SLC6A13: variants seen among roughly 807,000 people sequenced by gnomAD.
The protein encoded by SLC6A13 is sodium- and chloride-dependent GABA transporter 2.
In SLC6A13, 69 loss-of-function variants were observed where a neutral mutation model predicts 72.9. The observed-to-expected ratio is 0.95, with a 90% CI of 0.78 to 1.16. The LOEUF is 1.16. SLC6A13 is among the 50% of genes most tolerant of loss of function. The probability of loss-of-function intolerance (pLI) is 0.00; values close to 1 mark genes in which losing one functional copy is unlikely to be tolerated. For missense variants in SLC6A13, 735 were observed against 760.5 expected, an observed-to-expected ratio of 0.97 and a Z score of 0.39; for synonymous variants, 303 against 303.0, an observed-to-expected ratio of 1.00 and a Z score of 0.00.
At chr12:222,972 C>A in intron 12 of SLC6A13, 160 bp downstream of exon 12, 1 of 601,768 alleles carries the variant, frequency 1.7e-6, no homozygotes, top group Non-Finnish European at 3.0e-6. Context: ...GGAGGGCCTT[C>A]CAAAGGTAGC....
chr12:230,284 G>A (rs1160425866), intron 7 of SLC6A13, among the ~76,000 whole-genome samples: 3 of 152,232 alleles, frequency 2.0e-5, no homozygotes, highest in African/African-American at 7.2e-5. Context: ...AGGAGGAGGA[G>A]AGGGGACTCT....
At chr12:225,484 T>C (rs939457698) in intron 9 of SLC6A13, among the ~76,000 whole-genome samples, 1 of 152,134 alleles carries the variant, frequency 6.6e-6, no homozygotes, top group Non-Finnish European at 1.5e-5. Flanking sequence ...ACCCTGTCTC[T>C]ACTAAAAATA....
chr12:249,960 CAT>C (rs1942479214), intron 2 of SLC6A13, among the ~76,000 whole-genome samples: 1 of 152,030 alleles, frequency 6.6e-6, no homozygotes, highest in Admixed American at 6.5e-5. Context: ...AAAAAATCAA[CAT>C]AGTGTTGTAG....
chr12:221,323 C>T lies in SLC6A13; in HGVS notation c.1686+53G>A, dbSNP rs1285576055. 4 of 1,512,386 alleles carry T rather than the reference C, an allele frequency of 2.6e-6. No homozygotes were observed. The African/African-American group carries it at 4.2e-5, about 16-fold the overall frequency. The allele number at this position is 1,512,386 out of a possible 1,614,324, so 93.7% of individuals were successfully genotyped here. A position where few individuals can be genotyped will look rare whatever the true frequency, so the allele number is the denominator to read the frequency against. On this transcript the variant is annotated intron_variant, in intron 14 of 14. Transcript: ENST00000343164. ...CTGGCTGGCAGCCCACCTGTCGGCA[C>T]CTGCGAAGCCTCCCAGCCCCTCTGG... is the stretch of plus-strand genomic sequence containing the variant.
At chr12:228,511 G>A (rs898101989) in intron 7 of SLC6A13, among the ~76,000 whole-genome samples, 7 of 152,078 alleles carry the variant, frequency 4.6e-5, no homozygotes, top group African/African-American at 1.7e-4. Flanking sequence ...AAGGGCGCCG[G>A]ATGACCCGTC....
chr12:246,950 G>A (rs1942371090), intron 2 of SLC6A13, among the ~76,000 whole-genome samples: 1 of 150,006 alleles, frequency 6.7e-6, no homozygotes, highest in Non-Finnish European at 1.5e-5. Context: ...GGAGGTTGCA[G>A]TGAGCTGAGA....
chr12:222,919 T>C (rs1941275498), intron 12 of SLC6A13, among the ~76,000 whole-genome samples: 1 of 152,148 alleles, frequency 6.6e-6, no homozygotes, highest in African/African-American at 2.4e-5. Flanking sequence ...CCTGAGGTGG[T>C]CTAGGTACAG....
At chr12:246,589 C>T (rs1184497072) in intron 2 of SLC6A13, among the ~76,000 whole-genome samples, 1 of 152,134 alleles carries the variant, frequency 6.6e-6, no homozygotes, top group Non-Finnish European at 1.5e-5. Flanking sequence ...TGAACATGAA[C>T]ACTACAGTGT....
At chr12:250,833 C>CAAAAAAAAAAAAA (rs71045051) in intron 2 of SLC6A13, among the ~76,000 whole-genome samples, 7 of 82,598 alleles carry the variant, frequency 8.5e-5, no homozygotes, top group Non-Finnish European at 1.1e-4. Context: ...AATAGCCCCC[C>CAAAAAAAAAAAAA]AAAAAAAAAA....
chr12:241,957 C>A (rs492750), intron 4 of SLC6A13, among the ~76,000 whole-genome samples: 32,536 of 152,102 alleles, frequency 0.21, 3,630 homozygotes, highest in Middle Eastern at 0.3. Context: ...TGTTTAGATA[C>A]ACAAATACTT....
In SLC6A13 at chr12:227,613, C is replaced by A. The variant is rs145346123; in HGVS notation, c.887G>T (p.Cys296Phe). 16 of 1,613,812 alleles carry A rather than the reference C, an allele frequency of 9.9e-6. No homozygotes were observed. Among genetic ancestry groups the A allele is most frequent in the Admixed American group, 3.3e-5 (2 of 60,002 alleles). The change falls in exon 8 of 15, where the codon TGC becomes TTC. Residue 296 changes from cysteine (C) to phenylalanine (F), a missense_variant. Physicochemically the swap from Cys to Phe is radical, Grantham distance 205 (BLOSUM62 -2). Coordinates refer to ENST00000343164, the MANE Select transcript of SLC6A13 (RefSeq NM_016615.5). Reference protein sequence around the residue: ...IFFSFAICLGCLTALGSYNKY... With the variant: ...IFFSFAICLGFLTALGSYNKY... ...GTTGTAGCTGCCCAGGGCTGTCAGG[C>A]ACCCAAGACAGATGGCGAAGGAGAA...
chr12:223,960 C>T lies in SLC6A13; in HGVS notation c.1311+32G>A, dbSNP rs754289615. ...TAGCAGCTGTCACTTGGCTCCTCCT[C>T]CCCAGCCTTCCCCCGCTTCCCAGGC... On this transcript the variant is annotated intron_variant, in intron 11 of 14. Transcript: ENST00000343164. The T allele has an allele frequency of 8.1e-6, 13 of 1,611,736 alleles. No individual in the cohort carries two copies. In the East Asian group the frequency reaches 2.9e-4, roughly 36 times the overall value.
chr12:225,615 A>T (rs1208442071), intron 9 of SLC6A13, among the ~76,000 whole-genome samples: 1 of 150,684 alleles, frequency 6.6e-6, no homozygotes, highest in Admixed American at 6.7e-5. Flanking sequence ...ATGTCACTGC[A>T]CTCCAGCCTG....
At chr12:246,318 A>AAAAT (rs950722077) in intron 2 of SLC6A13, among the ~76,000 whole-genome samples, 31 of 151,930 alleles carry the variant, frequency 2.0e-4, no homozygotes, top group South Asian at 1.0e-3. Flanking sequence ...CTCTGTCTCA[A>AAAAT]AAATAAATAA....
intron 1 of SLC6A13, among the ~76,000 whole-genome samples, chr12:261,942 A>T (rs1434030102): frequency 6.6e-6 from 1 of 152,140 alleles, no homozygotes; most frequent in Non-Finnish European, 1.5e-5. Flanking sequence ...AAGAAAAAAA[A>T]AAAAAGTCAG....
chr12:262,685 G>A, intron 1 of SLC6A13, 104 bp downstream of exon 1: 1 of 985,198 alleles, frequency 1.0e-6, no homozygotes, highest in East Asian at 1.1e-4. Context: ...TACTTTCTAG[G>A]CGAGGGTAAG....
intron 4 of SLC6A13, among the ~76,000 whole-genome samples, chr12:239,031 T>C (rs1311312490): frequency 6.7e-6 from 1 of 150,130 alleles, no homozygotes; most frequent in African/African-American, 2.4e-5. Context: ...CAAGGCCATA[T>C]TGGATGCATT....
At chr12:238,704 C>T (rs540594845) in intron 4 of SLC6A13, among the ~76,000 whole-genome samples, 9 of 152,132 alleles carry the variant, frequency 5.9e-5, no homozygotes, top group South Asian at 2.1e-4. Context: ...CCCATGAAGA[C>T]GGTGGATCTT....
intron 4 of SLC6A13, among the ~76,000 whole-genome samples, chr12:241,366 G>A (rs182552445): frequency 6.6e-6 from 1 of 152,280 alleles, no homozygotes; most frequent in East Asian, 1.9e-4. Flanking sequence ...ACTTCAAAGG[G>A]CTAGGGCCTT....
Sources: gnomAD v4.1 joint callset for allele counts (sites outside exome capture counted in the v4.1 genomes callset) on GRCh38, gnomAD v4.1.1 for gene constraint, MANE v1.5 for transcripts, NCBI Gene and HGNC (gene_info 2026-07-23, HGNC 2026-07-21) for gene names.